The following RALGAPA2 variants were observed in gnomAD, a reference collection of about 807,000 sequenced individuals.
The protein encoded by RALGAPA2 is Ral GTPase activating protein catalytic subunit alpha 2.
RALGAPA2 carries 139 observed loss-of-function variants against 230.4 expected under a neutral mutation model. That is an observed-to-expected ratio of 0.60 (90% CI 0.53 to 0.69). The LOEUF (loss-of-function observed/expected upper bound fraction) is 0.69. Ranked by LOEUF, RALGAPA2 falls within the 30% of genes least tolerant of loss-of-function variation. RALGAPA2 has a pLI of 0.00. For missense variants in RALGAPA2, 2,163 were observed against 2,276.0 expected, an observed-to-expected ratio of 0.95 and a Z score of 1.01; for synonymous variants, 847 against 837.8, an observed-to-expected ratio of 1.01 and a Z score of -0.19.
intron 27 of RALGAPA2, among the ~76,000 whole-genome samples, chr20:20,527,997 A>T (rs1171622956): frequency 6.6e-6 from 1 of 152,172 alleles, no homozygotes; most frequent in Non-Finnish European, 1.5e-5. Context: ...GGAGTGGGAC[A>T]TGAGGCTTGG....
At chr20:20,470,172 C>T (rs183704872) in intron 37 of RALGAPA2, among the ~76,000 whole-genome samples, 19 of 152,304 alleles carry the variant, frequency 1.2e-4, no homozygotes, top group African/African-American at 4.6e-4. Flanking sequence ...TTGATTCTAA[C>T]TGCATTTACT....
chr20:20,509,404 G>A (rs1192385733), intron 33 of RALGAPA2, among the ~76,000 whole-genome samples: 1 of 152,116 alleles, frequency 6.6e-6, no homozygotes, highest in East Asian at 1.9e-4. Flanking sequence ...ACAGAGAATG[G>A]CTCCTTTATC....
intron 20 of RALGAPA2, among the ~76,000 whole-genome samples, chr20:20,582,194 GTGTC>G (rs1308678026): frequency 2.0e-5 from 3 of 151,396 alleles, no homozygotes; most frequent in African/African-American, 7.3e-5. Flanking sequence ...GTGTGTGTGT[GTGTC>G]TGTGTGTGTG....
chr20:20,420,250 C>T (rs1009191357), intron 37 of RALGAPA2, among the ~76,000 whole-genome samples: 4 of 152,056 alleles, frequency 2.6e-5, no homozygotes, highest in East Asian at 1.9e-4. Context: ...ACAGGAGGCC[C>T]GAATGGCTTG....
rs184658627 is a variant in RALGAPA2 at position 20,650,335 on chromosome 20, T to C, written c.328+3195A>G. 5.9e-5 allele frequency among the ~76,000 whole-genome samples: 9 copies of C among 152,260 alleles called. No individual in the cohort carries two copies. In the East Asian group the frequency reaches 1.7e-3, roughly 29 times the overall value. Reference sequence around the variant, plus strand: ...GATAAGAAACAGACTTCAAGCACTGTGGTGGTTGATGTTTCAAACTATTTT... The same window carrying C: ...GATAAGAAACAGACTTCAAGCACTGCGGTGGTTGATGTTTCAAACTATTTT... On this transcript the variant is annotated intron_variant, in intron 4 of 39. Coordinates refer to ENST00000202677, the MANE Select transcript of RALGAPA2 (RefSeq NM_020343.4).
chr20:20,528,531 G>A (rs1354435425), intron 27 of RALGAPA2, among the ~76,000 whole-genome samples: 2 of 152,176 alleles, frequency 1.3e-5, no homozygotes, highest in East Asian at 1.9e-4. Context: ...GTAAGGAGAA[G>A]GAGGAAAGTC....
At chr20:20,397,485 A>G (rs2059741198) in intron 38 of RALGAPA2, among the ~76,000 whole-genome samples, 1 of 151,696 alleles carries the variant, frequency 6.6e-6, no homozygotes, top group African/African-American at 2.4e-5. Context: ...TTTCCTTGGC[A>G]AATGCATCCT....
chr20:20,691,664 G>A (rs959684187), intron 1 of RALGAPA2, among the ~76,000 whole-genome samples: 2 of 152,012 alleles, frequency 1.3e-5, no homozygotes, highest in East Asian at 1.9e-4. Context: ...TTCTCTCCAG[G>A]GCCAATAGCA....
chr20:20,491,375 C>A (rs528805338), intron 36 of RALGAPA2, among the ~76,000 whole-genome samples: 11 of 152,326 alleles, frequency 7.2e-5, no homozygotes, highest in African/African-American at 2.2e-4. Flanking sequence ...CCTCTTGTCT[C>A]AACTGCTCCT....
chr20:20,637,569 GTGT>G (rs759591980), intron 7 of RALGAPA2, 68 bp from the exon 8 acceptor site: 20 of 1,308,926 alleles, frequency 1.5e-5, no homozygotes, highest in Non-Finnish European at 1.9e-5. Flanking sequence ...CTAAACTGAA[GTGT>G]TGTTATGTTA....
chr20:20,652,875 T>G (rs1603203897), intron 4 of RALGAPA2, among the ~76,000 whole-genome samples: 1 of 152,216 alleles, frequency 6.6e-6, no homozygotes, highest in East Asian at 1.9e-4. Flanking sequence ...TAATTTTCAG[T>G]CAATGATACA....
intron 16 of RALGAPA2, among the ~76,000 whole-genome samples, chr20:20,597,204 T>C (rs1279750949): frequency 6.6e-6 from 1 of 152,010 alleles, no homozygotes; most frequent in Admixed American, 6.6e-5. Context: ...ATGAAAAAAA[T>C]TCTTTTGGGG....
At chr20:20,520,888 C>A in intron 31 of RALGAPA2, 29 bp downstream of exon 31, 3 of 1,501,492 alleles carry the variant, frequency 2.0e-6, no homozygotes, top group Non-Finnish European at 2.7e-6. Context: ...TTCCTTCCCA[C>A]AAGATTTCAT....
chr20:20,511,251 T>TA lies in RALGAPA2; in HGVS notation c.4928+2dup. ...AAAAGTGGTTTGATATACTTTCACA[T>TA]ACCACTGGCGGGAGTCCAAATTTTT... On this transcript the variant is annotated splice_region_variant and intron_variant, in intron 33 of 39. Transcript: ENST00000202677. The TA allele has an allele frequency of 2.5e-6, 4 of 1,574,254 alleles. No individual in the cohort carries two copies. Among genetic ancestry groups the TA allele is most frequent in the Non-Finnish European group, 3.5e-6 (4 of 1,159,396 alleles).
intron 36 of RALGAPA2, among the ~76,000 whole-genome samples, chr20:20,486,459 C>T (rs1395898135): frequency 6.6e-6 from 1 of 152,126 alleles, no homozygotes; most frequent in Non-Finnish European, 1.5e-5. Context: ...TGAAGAGAAG[C>T]CCTATTTATT....
intron 14 of RALGAPA2, among the ~76,000 whole-genome samples, chr20:20,606,403 G>T (rs1315484423): frequency 1.3e-5 from 2 of 152,164 alleles, no homozygotes; most frequent in African/African-American, 2.4e-5. Flanking sequence ...GTACTAGACA[G>T]TGCTACTTAC....
At chr20:20,632,478 T>C (rs1356524489) in intron 9 of RALGAPA2, among the ~76,000 whole-genome samples, 3 of 152,226 alleles carry the variant, frequency 2.0e-5, no homozygotes, top group Non-Finnish European at 4.4e-5. Flanking sequence ...CTTCTCATCA[T>C]CCAGATGTAC....
At chr20:20,547,970 A>G (rs2063819266) in intron 23 of RALGAPA2, among the ~76,000 whole-genome samples, 1 of 152,210 alleles carries the variant, frequency 6.6e-6, no homozygotes, top group South Asian at 2.1e-4. Context: ...AGCACAGAAA[A>G]GGTTCAGTAA....
chr20:20,634,514 C>T (rs935893204), intron 9 of RALGAPA2, among the ~76,000 whole-genome samples: 2 of 152,158 alleles, frequency 1.3e-5, no homozygotes, highest in African/African-American at 4.8e-5. Context: ...CCAGTGGAGC[C>T]GCATGCTCTA....
Sources: gnomAD v4.1 joint callset for allele counts (sites outside exome capture counted in the v4.1 genomes callset) on GRCh38, gnomAD v4.1.1 for gene constraint, MANE v1.5 for transcripts, NCBI Gene and HGNC (gene_info 2026-07-23, HGNC 2026-07-21) for gene names.